Variants in NHSL2 observed in about 807,000 individuals in gnomAD.
The protein encoded by NHSL2 is NHS-like protein 2.
NHSL2 carries 27 observed loss-of-function variants against 53.4 expected under a neutral mutation model. That is an observed-to-expected ratio of 0.51 (90% confidence interval 0.37 to 0.70). NHSL2 has a LOEUF of 0.70. Ranked by LOEUF, NHSL2 falls within the 30% of genes least tolerant of loss-of-function variation. The probability of loss-of-function intolerance (pLI) is 0.00; values close to 1 mark genes in which losing one functional copy is unlikely to be tolerated. For missense variants in NHSL2, 892 were observed against 980.1 expected, an observed-to-expected ratio of 0.91 and a Z score of 1.20; for synonymous variants, 408 against 404.1, an observed-to-expected ratio of 1.01 and a Z score of -0.12.
In NHSL2 at chrX:72,146,975, T is replaced by C. The variant is rs1484011474; in HGVS notation, c.*3401T>C. 2.7e-5 allele frequency: 3 copies of C among 111,784 alleles called. No homozygotes were observed. Among genetic ancestry groups the C allele is most frequent in the Non-Finnish European group, 5.6e-5 (3 of 53,132 alleles). 9.2% of individuals were successfully genotyped at this position (111,784 alleles called of 1,213,427 possible). A position where few individuals can be genotyped will look rare whatever the true frequency, so the allele number is the denominator to read the frequency against. On this transcript the variant is annotated 3_prime_UTR_variant, in exon 8 of 8. Coordinates refer to ENST00000633930, the MANE Select transcript of NHSL2 (RefSeq NM_001013627.3). ...AGCTTAATGACCACAAACTGACCAG[T>C]TGATCTGGATAAATTACCTTGAACG...
At chrX:72,024,494 G>T (rs1336254129) in intron 1 of NHSL2, among the ~76,000 whole-genome samples, 3 of 112,312 alleles carry the variant, frequency 2.7e-5, no homozygotes, top group Non-Finnish European at 5.6e-5. Context: ...TACTCTGCAT[G>T]GTGTTTGAGC....
chrX:71,924,380 A>G (rs1448650457), intron 1 of NHSL2, among the ~76,000 whole-genome samples: 1 of 111,204 alleles, frequency 9.0e-6, no homozygotes, highest in African/African-American at 3.3e-5. Flanking sequence ...TACTTTTTTC[A>G]CTATGTTCCT....
intron 1 of NHSL2, among the ~76,000 whole-genome samples, chrX:72,087,393 G>C (rs766522889): frequency 3.6e-5 from 4 of 112,487 alleles, no homozygotes; most frequent in Non-Finnish European, 7.5e-5. Context: ...CAGTTACAGT[G>C]TGTCTGTTTG....
Position 72,076,731 on chromosome X carries a change from A to G in NHSL2, c.281-55348A>G, listed in dbSNP as rs778097854. Among the ~76,000 whole-genome samples, 4 of 112,568 alleles carry G rather than the reference A, an allele frequency of 3.6e-5. No homozygotes were observed. In the South Asian group the frequency reaches 1.5e-3, roughly 42 times the overall value. Reference sequence around the variant, plus strand: ...TGTCAGCTCCTCATCACCCCTAGGCAGTACTTTCAAACAATCTGGGCTAAC... The same window carrying G: ...TGTCAGCTCCTCATCACCCCTAGGCGGTACTTTCAAACAATCTGGGCTAAC... On this transcript the variant is annotated intron_variant, in intron 1 of 7. Transcript: ENST00000633930.
chrX:72,068,877 AC>A (rs1192039207), intron 1 of NHSL2, among the ~76,000 whole-genome samples: 1 of 111,612 alleles, frequency 9.0e-6, no homozygotes, highest in East Asian at 2.8e-4. Context: ...AAGCAGGTAC[AC>A]CTGGTGGCCA....
rs1366663893 is a variant in NHSL2, at chrX:72,140,362, A to C, written c.2814A>C (p.Pro938=). 3 of 1,209,386 alleles carry C rather than the reference A, an allele frequency of 2.5e-6. No individual in the cohort carries two copies. The highest frequency in any genetic ancestry group is 3.4e-6 in the Non-Finnish European group (3 of 894,851). Residue 938 remains proline, a synonymous_variant, in exon 6 of 8, where the codon CCA becomes CCC. Transcript: ENST00000633930. ...CCAGCTTCCCAGATGGCAGAAGCCC[A>C]GGGGAGTCAACAGCACCCTCATCTC... is the stretch of plus-strand genomic sequence containing the variant. ...KPSSFPDGRS[P]GESTAPSSLV...
At chrX:71,977,937 C>T (rs2041955974) in intron 1 of NHSL2, among the ~76,000 whole-genome samples, 1 of 111,287 alleles carries the variant, frequency 9.0e-6, no homozygotes, top group African/African-American at 3.3e-5. Context: ...AGTATAAGTG[C>T]ACAGACTCTG....
At chrX:71,913,035 T>G (rs1481310011) in intron 1 of NHSL2, among the ~76,000 whole-genome samples, 1 of 111,438 alleles carries the variant, frequency 9.0e-6, no homozygotes, top group African/African-American at 3.3e-5. Flanking sequence ...GGAACAATTG[T>G]TAAGTTAAAT....
intron 1 of NHSL2, among the ~76,000 whole-genome samples, chrX:71,919,861 G>A (rs145262775): frequency 1.8e-5 from 2 of 112,655 alleles, no homozygotes; most frequent in Non-Finnish European, 3.8e-5. Flanking sequence ...GATGCAAGCC[G>A]CATAGCCAGG....
intron 1 of NHSL2, among the ~76,000 whole-genome samples, chrX:71,979,023 G>A (rs1208339944): frequency 9.5e-6 from 1 of 105,670 alleles, no homozygotes; most frequent in Non-Finnish European, 1.9e-5. Flanking sequence ...TTGGTTTTTT[G>A]TCCTTGCGAT....
intron 1 of NHSL2, among the ~76,000 whole-genome samples, chrX:72,107,018 C>T (rs1295182667): frequency 3.6e-5 from 4 of 110,781 alleles, no homozygotes; most frequent in African/African-American, 6.6e-5. Flanking sequence ...ATGTAAATGA[C>T]GAGTTGATGG....
At chrX:72,047,629 C>T (rs191113518) in intron 1 of NHSL2, among the ~76,000 whole-genome samples, 360 of 111,786 alleles carry the variant, frequency 3.2e-3, no homozygotes, top group Non-Finnish European at 5.3e-3. Flanking sequence ...TCCAGGGAGT[C>T]CATATGCAAA....
intron 1 of NHSL2, among the ~76,000 whole-genome samples, chrX:72,116,222 GC>G (rs2042137721): frequency 8.9e-6 from 1 of 111,847 alleles, no homozygotes; most frequent in African/African-American, 3.3e-5. Flanking sequence ...TGTAGTAAGG[GC>G]TATATATATA....
intron 1 of NHSL2, among the ~76,000 whole-genome samples, chrX:72,058,282 G>A (rs1160726925): frequency 8.9e-6 from 1 of 112,483 alleles, no homozygotes; most frequent in East Asian, 2.8e-4. Context: ...GTGAAAAACA[G>A]AATTTTAGAA....
intron 1 of NHSL2, among the ~76,000 whole-genome samples, chrX:71,937,591 TA>T (rs376529347): frequency 2.3e-4 from 26 of 112,511 alleles, no homozygotes; most frequent in African/African-American, 8.1e-4. Context: ...AGAACATTGC[TA>T]AAAACTTACC....
chrX:72,026,487 G>A (rs2042186483), intron 1 of NHSL2, among the ~76,000 whole-genome samples: 1 of 112,360 alleles, frequency 8.9e-6, no homozygotes, highest in South Asian at 3.7e-4. Context: ...TGGGGAGGAG[G>A]TGGGCAGCTT....
intron 1 of NHSL2, among the ~76,000 whole-genome samples, chrX:72,021,783 C>T (rs2042161645): frequency 9.0e-6 from 1 of 111,545 alleles, no homozygotes; most frequent in African/African-American, 3.3e-5. Flanking sequence ...CTCCTCTGCT[C>T]AGAAGCCTTC....
chrX:72,035,524 T>G (rs1785379959), intron 1 of NHSL2, among the ~76,000 whole-genome samples: 1 of 111,866 alleles, frequency 8.9e-6, no homozygotes, highest in Admixed American at 9.5e-5. Flanking sequence ...CAGTTTTTGC[T>G]TTTTTATTTT....
rs776528140 is a variant in NHSL2 at position 72,135,640 on chromosome X, C to A, written c.760+936C>A. Among the ~76,000 whole-genome samples, 8 of 112,161 alleles carry A rather than the reference C, an allele frequency of 7.1e-5. No individual in the cohort carries two copies. In the South Asian group the frequency reaches 3.0e-3, roughly 41 times the overall value. On this transcript the variant is annotated intron_variant, in intron 4 of 7. Coordinates refer to ENST00000633930, the MANE Select transcript of NHSL2 (RefSeq NM_001013627.3). ...TGTCACTGGCATCATTTCAGAAAAT[C>A]AGAGGCAGGAAATACAGCCCACAGC... is the stretch of plus-strand genomic sequence containing the variant.
Sources: allele counts gnomAD v4.1 joint callset (sites outside exome capture counted in the v4.1 genomes callset), GRCh38; gene constraint gnomAD v4.1.1; transcripts MANE v1.5; gene names NCBI Gene and HGNC (gene_info 2026-07-23, HGNC 2026-07-21).